SLC22A25: variants seen among roughly 807,000 people sequenced by gnomAD.
SLC22A25 encodes the protein MGI:2442751, MGI:2385316, MGI:3042283, MGI:3645714, MGI:3605624, MGI:2442750.
Under a neutral mutation model 45.9 loss-of-function variants are expected in SLC22A25, and 44 were observed. The ratio of observed to expected loss-of-function variants is 0.96; its 90% CI spans 0.75 to 1.23. SLC22A25 has a LOEUF of 1.23. Ranked by LOEUF, SLC22A25 falls within the 50% of genes most tolerant of loss-of-function variation. The probability of loss-of-function intolerance (pLI) is 0.00; values close to 1 mark genes in which losing one functional copy is unlikely to be tolerated. For synonymous variants in SLC22A25, 283 were observed against 238.6 expected, an observed-to-expected ratio of 1.19 and a Z score of -1.72; for missense variants, 800 against 666.4, an observed-to-expected ratio of 1.20 and a Z score of -2.21.
At chr11:63,218,297 T>C (rs1421287398) in intron 5 of SLC22A25, 1 of 320,188 alleles carries the variant, frequency 3.1e-6, no homozygotes, top group African/African-American at 2.2e-5. Flanking sequence ...GAGCTAAACG[T>C]TAAGTACACA....
Position 63,160,083 on chromosome 11 carries a change from T to C in SLC22A25, c.*3741A>G, listed in dbSNP as rs2087521228. On this transcript the variant is annotated 3_prime_UTR_variant, in exon 12 of 12. Transcript: ENST00000306494. ...AAAAAAGTTTGAAAAATTTGCAGCC[T>C]GGTGATGTGATAGAAAATAAAAACC... 6.6e-6 allele frequency among the ~76,000 whole-genome samples: 1 copy of C among 152,166 alleles called. No homozygotes were observed. Among genetic ancestry groups the C allele is most frequent in the Non-Finnish European group, 1.5e-5 (1 of 68,026 alleles).
Position 63,217,656 on chromosome 11 carries a change from T to C in SLC22A25, c.586A>G (p.Ile196Val), listed in dbSNP as rs1303261328. 2.5e-6 allele frequency: 4 copies of C among 1,613,808 alleles called. No individual in the cohort carries two copies. The highest frequency in any genetic ancestry group is 2.2e-5 in the East Asian group (1 of 44,868). Reference protein sequence around the residue: ...VGTCAAFAPTILVYCSLRFLA... With the variant: ...VGTCAAFAPTVLVYCSLRFLA... ...AAGCGCAGGGAGCAGTATACGAGGA[T>C]GGTGGGAGCAAAGGCCGCACAGGTG... Residue 196 changes from isoleucine to valine, a missense_variant, in exon 6 of 12, where the codon ATC becomes GTC. Transcript: ENST00000306494.
At chr11:63,231,348 T>G (rs1257030627) in intron 3 of SLC22A25, among the ~76,000 whole-genome samples, 3 of 152,202 alleles carry the variant, frequency 2.0e-5, no homozygotes, top group African/African-American at 7.2e-5. Context: ...CCATTCTAAC[T>G]GGTGTGAGAT....
intron 5 of SLC22A25, among the ~76,000 whole-genome samples, chr11:63,224,900 C>A (rs2089926673): frequency 6.6e-6 from 1 of 152,108 alleles, no homozygotes; most frequent in Admixed American, 6.5e-5. Flanking sequence ...GAGATGGAGA[C>A]CATCCTGGCT....
intron 10 of SLC22A25, 33 bp downstream of exon 10, chr11:63,166,011 A>G: frequency 3.7e-6 from 6 of 1,608,188 alleles, no homozygotes; most frequent in Non-Finnish European, 5.1e-6. Flanking sequence ...AGGGAAAGAC[A>G]TTTTCTTTCT....
At chr11:63,211,547 A>T (rs1029536939) in intron 7 of SLC22A25, among the ~76,000 whole-genome samples, 1 of 152,152 alleles carries the variant, frequency 6.6e-6, no homozygotes, top group Non-Finnish European at 1.5e-5. Flanking sequence ...ATATGCCTGG[A>T]CAAGGCTGCC....
intron 7 of SLC22A25, among the ~76,000 whole-genome samples, chr11:63,188,154 G>A (rs184137091): frequency 6.0e-4 from 91 of 152,226 alleles, no homozygotes; most frequent in African/African-American, 2.1e-3. Context: ...GGTAGAATTC[G>A]GCTGTGAATC....
At chr11:63,238,426 A>C (rs1047877818) in intron 2 of SLC22A25, among the ~76,000 whole-genome samples, 6 of 152,186 alleles carry the variant, frequency 3.9e-5, no homozygotes, top group Non-Finnish European at 5.9e-5. Context: ...CCACAGGCTG[A>C]GCCTTACTGA....
chr11:63,206,694 TGGCC>T (rs2089413659), intron 7 of SLC22A25, among the ~76,000 whole-genome samples: 2 of 152,160 alleles, frequency 1.3e-5, no homozygotes, highest in Non-Finnish European at 2.9e-5. Context: ...ATCATAAAAA[TGGCC>T]ATACTGCCCA....
chr11:63,191,481 G>A (rs150859488), intron 7 of SLC22A25, among the ~76,000 whole-genome samples: 5,488 of 152,244 alleles, frequency 0.036, 331 homozygotes, highest in African/African-American at 0.13. Flanking sequence ...ATTCCCTGAT[G>A]CCTTGTGCTT....
intron 7 of SLC22A25, among the ~76,000 whole-genome samples, chr11:63,194,889 G>GAAAAAAAAAAAAAAAAAAAAAAAAAA (rs1565091135): frequency 1.4e-4 from 2 of 14,288 alleles, no homozygotes; most frequent in Non-Finnish European, 1.4e-4. Flanking sequence ...CAAATGGAAA[G>GAAAAAAAAAAAAAAAAAAAAAAAAAA]CAAAAAAAAA....
At chr11:63,231,358 T>C (rs548701312) in intron 3 of SLC22A25, among the ~76,000 whole-genome samples, 6 of 152,228 alleles carry the variant, frequency 3.9e-5, no homozygotes, top group Non-Finnish European at 8.8e-5. Flanking sequence ...TGGTGTGAGA[T>C]GGTATCTCAT....
intron 7 of SLC22A25, among the ~76,000 whole-genome samples, chr11:63,191,155 C>T (rs2134754641): frequency 6.6e-6 from 1 of 152,332 alleles, no homozygotes; most frequent in East Asian, 1.9e-4. Flanking sequence ...GTGGAGTCTA[C>T]AAAGGCAGGC....
Position 63,229,682 on chromosome 11 carries a change from G to T in SLC22A25, c.-30C>A. The stretch of plus-strand genomic sequence containing the variant: ...GCTGGACAAGTGATCCCCAAGAGGA[G>T]ACAAAATGACTGTATCCAGATAAGT... On this transcript the variant is annotated 5_prime_UTR_variant, in exon 4 of 12. Coordinates refer to ENST00000306494, the MANE Select transcript of SLC22A25 (RefSeq NM_199352.6). 2 of 1,579,836 alleles carry T rather than the reference G, an allele frequency of 1.3e-6. No individual in the cohort carries two copies. The highest frequency in any genetic ancestry group is 2.3e-5 in the South Asian group (2 of 88,598).
chr11:63,164,423 T>A (rs2134703749), intron 11 of SLC22A25, 103 bp downstream of exon 11: 1 of 1,014,482 alleles, frequency 9.9e-7, no homozygotes, highest in African/African-American at 1.6e-5. Context: ...TACATTTGAT[T>A]GTTTTTTAAC....
In SLC22A25 at chr11:63,231,676, C is replaced by T. The variant is rs113711953; in HGVS notation, c.-444-1580G>A. On this transcript the variant is annotated intron_variant, in intron 3 of 11. Transcript: ENST00000306494. The stretch of plus-strand genomic sequence containing the variant: ...ATTGGACCCCATTTGTCAATTTTGG[C>T]ATTTGTTGTTTTAGACATGAAGTCC... Among the ~76,000 whole-genome samples, 575 of 152,262 alleles carry T rather than the reference C, an allele frequency of 3.8e-3. 5 individuals are homozygous for T. Among genetic ancestry groups the T allele is most frequent in the African/African-American group, 0.013 (521 of 41,564 alleles).
chr11:63,181,676 T>C (rs2088329573), intron 8 of SLC22A25, among the ~76,000 whole-genome samples: 1 of 152,010 alleles, frequency 6.6e-6, no homozygotes, highest in Non-Finnish European at 1.5e-5. Context: ...AGGCATGCTG[T>C]AGTGCCCAGA....
chr11:63,221,111 CT>C (rs2089842829), intron 5 of SLC22A25, among the ~76,000 whole-genome samples: 1 of 151,948 alleles, frequency 6.6e-6, no homozygotes, highest in African/African-American at 2.4e-5. Flanking sequence ...TTTCCTTTTG[CT>C]ATACTGATTT....
intron 7 of SLC22A25, among the ~76,000 whole-genome samples, chr11:63,207,728 T>G (rs1337955596): frequency 1.3e-5 from 2 of 152,210 alleles, no homozygotes; most frequent in African/African-American, 2.4e-5. Context: ...CTCTCCTTCT[T>G]TCCTAGGCAT....
Sources: allele counts gnomAD v4.1 joint callset (sites outside exome capture counted in the v4.1 genomes callset), GRCh38; gene constraint gnomAD v4.1.1; transcripts MANE v1.5; gene names NCBI Gene and HGNC (gene_info 2026-07-23, HGNC 2026-07-21).